The following SDK1 variants were observed in gnomAD, a reference collection of about 807,000 sequenced individuals.
SDK1 encodes the protein protein sidekick-1.
Under a neutral mutation model 245.5 loss-of-function variants are expected in SDK1, and 157 were observed. That is an observed-to-expected ratio of 0.64 (90% CI 0.56 to 0.73). The LOEUF (loss-of-function observed/expected upper bound fraction) is 0.73. SDK1 is among the 30% of genes least tolerant of loss of function. The probability of loss-of-function intolerance (pLI) is 0.00; values close to 1 mark genes in which losing one functional copy is unlikely to be tolerated. For missense variants in SDK1, 3,583 were observed against 3,002.3 expected, an observed-to-expected ratio of 1.19 and a Z score of -4.52; for synonymous variants, 1,647 against 1,278.5, an observed-to-expected ratio of 1.29 and a Z score of -6.15.
At chr7:3,509,364 T>G (rs1048079613) in intron 1 of SDK1, among the ~76,000 whole-genome samples, 1 of 152,150 alleles carries the variant, frequency 6.6e-6, no homozygotes, top group African/African-American at 2.4e-5. Flanking sequence ...TCTGCCAACA[T>G]GTGACCTCAG....
intron 14 of SDK1, among the ~76,000 whole-genome samples, chr7:3,989,287 A>G (rs1003063181): frequency 6.6e-6 from 1 of 152,188 alleles, no homozygotes; most frequent in Admixed American, 6.5e-5. Flanking sequence ...CTTGTGCAGG[A>G]AAACTCCCCT....
At chr7:3,755,239 G>T (rs990040873) in intron 4 of SDK1, among the ~76,000 whole-genome samples, 10 of 152,136 alleles carry the variant, frequency 6.6e-5, no homozygotes, top group Non-Finnish European at 1.2e-4. Context: ...TTGTGTGGTT[G>T]GTGTGGGGAG....
chr7:4,097,711 C>G (rs1204113214), intron 22 of SDK1, among the ~76,000 whole-genome samples: 4 of 152,180 alleles, frequency 2.6e-5, no homozygotes, highest in African/African-American at 7.2e-5. Context: ...CTACTTCTGT[C>G]TCCTCCTTCC....
chr7:4,044,474 G>A lies in SDK1; in HGVS notation c.2603-4874G>A, dbSNP rs548786900. ...TTGCTTTATTTTTTTTTAGGGACAG[G>A]GCCTTACTCTGTTGCTTGGAGTGCA... is the stretch of plus-strand genomic sequence containing the variant. On this transcript the variant is annotated intron_variant, in intron 17 of 44. Coordinates refer to ENST00000404826, the MANE Select transcript of SDK1 (RefSeq NM_152744.4). Among the ~76,000 whole-genome samples, 35 of 152,258 alleles carry A rather than the reference G, an allele frequency of 2.3e-4. No homozygotes were observed. In the South Asian group the frequency reaches 7.3e-3, roughly 32 times the overall value.
intron 1 of SDK1, among the ~76,000 whole-genome samples, chr7:3,308,524 T>G (rs1583663669): frequency 6.6e-6 from 1 of 151,264 alleles, no homozygotes; most frequent in East Asian, 1.9e-4. Context: ...CAGCTATCAA[T>G]TAAATAGTCC....
intron 4 of SDK1, among the ~76,000 whole-genome samples, chr7:3,696,585 TG>T (rs1784579127): frequency 6.6e-6 from 1 of 151,836 alleles, no homozygotes; most frequent in African/African-American, 2.4e-5. Context: ...TGTGTGTGTG[TG>T]TGTGTGTGTG....
chr7:4,047,748 C>T (rs1789125306), intron 17 of SDK1, among the ~76,000 whole-genome samples: 1 of 152,218 alleles, frequency 6.6e-6, no homozygotes, highest in South Asian at 2.1e-4. Flanking sequence ...ACAGGCCCAT[C>T]TTTCCTTGTG....
chr7:3,465,759 C>G (rs1258976123), intron 1 of SDK1, among the ~76,000 whole-genome samples: 3 of 152,138 alleles, frequency 2.0e-5, no homozygotes, highest in African/African-American at 7.2e-5. Flanking sequence ...GTTGAGACCA[C>G]TGTGTTGGTG....
chr7:3,770,638 G>C (rs1356704865), intron 4 of SDK1, among the ~76,000 whole-genome samples: 1 of 152,154 alleles, frequency 6.6e-6, no homozygotes. Context: ...CCTTGCTGTG[G>C]CTGCCCAGCT....
chr7:4,046,490 A>G (rs1789022687), intron 17 of SDK1, among the ~76,000 whole-genome samples: 2 of 152,180 alleles, frequency 1.3e-5, no homozygotes, highest in Non-Finnish European at 2.9e-5. Flanking sequence ...AAATGGTAAG[A>G]AATATAGATC....
At chr7:4,209,716 C>T (rs1223089841) in intron 37 of SDK1, among the ~76,000 whole-genome samples, 2 of 152,178 alleles carry the variant, frequency 1.3e-5, no homozygotes, top group East Asian at 1.9e-4. Context: ...GAAAATGGAG[C>T]TCCCTGCGTT....
At chr7:4,056,079 G>T (rs1779176089) in intron 19 of SDK1, among the ~76,000 whole-genome samples, 1 of 151,134 alleles carries the variant, frequency 6.6e-6, no homozygotes. Flanking sequence ...TTCAATGAAT[G>T]ATTTTTTAAA....
At chr7:3,934,672 A>T (rs1292188517) in intron 5 of SDK1, among the ~76,000 whole-genome samples, 2 of 152,218 alleles carry the variant, frequency 1.3e-5, no homozygotes, top group African/African-American at 4.8e-5. Context: ...CCTTCCAGGA[A>T]TTTGCAAGGA....
rs559979304 is a variant in SDK1 at position 4,051,811 on chromosome 7, G to A, written c.2892G>A (p.Leu964=). 1.2e-6 allele frequency: 2 copies of A among 1,612,054 alleles called. No homozygotes were observed. The highest frequency in any genetic ancestry group is 2.2e-5 in the East Asian group (1 of 44,784). ...PGDGPPSTPQ[L]VWTQEDKPGA... is the part of the protein sequence containing the mutation. ...ACGGGCCTCCCAGCACACCTCAGCT[G>A]GTCTGGACTCAGGAAGACAGTGAGT... is the stretch of plus-strand genomic sequence containing the variant. Residue 964 remains leucine (L), a synonymous_variant, in exon 19 of 45, where the codon CTG becomes CTA. Transcript: ENST00000404826.
chr7:3,457,392 C>T lies in SDK1; in HGVS notation c.298+155508C>T, dbSNP rs140259940. 3.7e-4 allele frequency among the ~76,000 whole-genome samples: 57 copies of T among 152,170 alleles called. 1 individual carries two copies. In the East Asian group the frequency reaches 0.01, roughly 27 times the overall value. On this transcript the variant is annotated intron_variant, in intron 1 of 44. Coordinates refer to ENST00000404826, the MANE Select transcript of SDK1 (RefSeq NM_152744.4). ...TTTTTTCTGATTCTTGTGCCTTTCC[C>T]GAGCCAATCCCCACAGACACTATAC...
chr7:3,964,928 T>C lies in SDK1; in HGVS notation c.1429+2077T>C, dbSNP rs188789399. Among the ~76,000 whole-genome samples, 229 of 152,302 alleles carry C rather than the reference T, an allele frequency of 1.5e-3. 1 individual carries two copies. The highest frequency in any genetic ancestry group is 5.4e-3 in the African/African-American group (224 of 41,562). On this transcript the variant is annotated intron_variant, in intron 9 of 44. Transcript: ENST00000404826. Reference sequence around the variant, plus strand: ...TTCATTTTGGAGCTTAGGAAACCAATATTGCTTCAAGCAGTAGAAATAATA... The same window carrying C: ...TTCATTTTGGAGCTTAGGAAACCAACATTGCTTCAAGCAGTAGAAATAATA...
intron 28 of SDK1, among the ~76,000 whole-genome samples, chr7:4,133,764 G>C (rs1045209288): frequency 9.2e-5 from 14 of 152,214 alleles, no homozygotes; most frequent in African/African-American, 3.4e-4. Context: ...TTAGAGGCAA[G>C]TGCAGCAGCC....
intron 22 of SDK1, among the ~76,000 whole-genome samples, chr7:4,084,605 C>G (rs1781304505): frequency 6.6e-6 from 1 of 152,014 alleles, no homozygotes; most frequent in African/African-American, 2.4e-5. Flanking sequence ...TTTTCTGAAG[C>G]ATCATGAGTT....
chr7:3,722,651 A>G (rs1778849972), intron 4 of SDK1, among the ~76,000 whole-genome samples: 1 of 152,174 alleles, frequency 6.6e-6, no homozygotes. Context: ...GCTGTGGTGT[A>G]TTTAGCAGCA....
Sources: gnomAD v4.1 joint callset for allele counts (sites outside exome capture counted in the v4.1 genomes callset) on GRCh38, gnomAD v4.1.1 for gene constraint, MANE v1.5 for transcripts, NCBI Gene and HGNC (gene_info 2026-07-23, HGNC 2026-07-21) for gene names.